Variants in CTNND2 observed in about 807,000 individuals in gnomAD.
CTNND2 encodes catenin delta 2, also known as catenin delta-2.
A neutral mutation model predicts 144.4 loss-of-function variants in CTNND2; 22 were observed. The ratio of observed to expected loss-of-function variants is 0.15; its 90% confidence interval spans 0.11 to 0.22. CTNND2 has a LOEUF of 0.22. Ranked by LOEUF, CTNND2 falls within the 10% of genes least tolerant of loss-of-function variation. CTNND2 has a pLI of 1.00. For missense variants in CTNND2, 1,353 were observed against 1,618.8 expected (o/e 0.84, Z 2.82); for synonymous variants, 751 against 695.6 (o/e 1.08, Z -1.25).
At chr5:11,659,805 G>A (rs575793320) in intron 2 of CTNND2, among the ~76,000 whole-genome samples, 1 of 152,186 alleles carries the variant, frequency 6.6e-6, no homozygotes, top group African/African-American at 2.4e-5. Flanking sequence ...TCATATATTT[G>A]TCTAGTTTTA....
intron 15 of CTNND2, among the ~76,000 whole-genome samples, chr5:11,091,211 C>T (rs1027370648): frequency 5.3e-5 from 8 of 152,144 alleles, no homozygotes; most frequent in Admixed American, 4.6e-4. Context: ...TTCTGTGTTT[C>T]ATGCTGGATA....
At chr5:11,828,258 G>C (rs1440661813) in intron 1 of CTNND2, among the ~76,000 whole-genome samples, 1 of 152,154 alleles carries the variant, frequency 6.6e-6, no homozygotes, top group Admixed American at 6.5e-5. Flanking sequence ...GGCCGGGCAT[G>C]GTGGCTCATG....
chr5:11,900,005 T>C (rs1282062023), intron 1 of CTNND2, among the ~76,000 whole-genome samples: 1 of 152,176 alleles, frequency 6.6e-6, no homozygotes, highest in Non-Finnish European at 1.5e-5. Context: ...CTCTGACATA[T>C]AACGTGTTTG....
intron 2 of CTNND2, among the ~76,000 whole-genome samples, chr5:11,707,512 T>C (rs1581751689): frequency 6.6e-6 from 1 of 152,174 alleles, no homozygotes; most frequent in Non-Finnish European, 1.5e-5. Flanking sequence ...CTGGGAAATA[T>C]ATTTGTACCT....
At chr5:11,552,658 A>G (rs2150086837) in intron 3 of CTNND2, among the ~76,000 whole-genome samples, 1 of 152,272 alleles carries the variant, frequency 6.6e-6, no homozygotes, top group South Asian at 2.1e-4. Context: ...CCAAGACCAC[A>G]ATCTTCTAGC....
intron 1 of CTNND2, among the ~76,000 whole-genome samples, chr5:11,801,393 T>C (rs1225141148): frequency 6.6e-6 from 1 of 152,236 alleles, no homozygotes; most frequent in Non-Finnish European, 1.5e-5. Flanking sequence ...ACATCTGTTT[T>C]TGGCTCTGTG....
intron 12 of CTNND2, among the ~76,000 whole-genome samples, chr5:11,119,947 C>A (rs1021005248): frequency 6.6e-6 from 1 of 152,148 alleles, no homozygotes; most frequent in Non-Finnish European, 1.5e-5. Flanking sequence ...ATAATCAGCC[C>A]TAATTTCACT....
chr5:11,312,239 ACT>A (rs955325347), intron 9 of CTNND2, among the ~76,000 whole-genome samples: 1 of 132,708 alleles, frequency 7.5e-6, no homozygotes, highest in Non-Finnish European at 1.6e-5. Flanking sequence ...CTCACCCCAC[ACT>A]CACACACACT....
At chr5:11,724,713 G>C (rs372856828) in intron 2 of CTNND2, among the ~76,000 whole-genome samples, 1 of 152,122 alleles carries the variant, frequency 6.6e-6, no homozygotes, top group Non-Finnish European at 1.5e-5. Flanking sequence ...ACTATATGTG[G>C]AATTGTTTGT....
intron 1 of CTNND2, among the ~76,000 whole-genome samples, chr5:11,881,923 C>T (rs1172470082): frequency 2.0e-5 from 3 of 151,814 alleles, no homozygotes; most frequent in Non-Finnish European, 2.9e-5. Flanking sequence ...TGATTATATC[C>T]ATTTTAACTG....
chr5:11,082,827 G>C lies in CTNND2; in HGVS notation c.2657C>G (p.Ala886Gly). Residue 886 changes from alanine (A) to glycine (G), a missense_variant, in exon 16 of 22, where the codon GCC becomes GGC. This residue lies in a region of CTNND2 where 459 missense variants were observed against 674.3 expected (regional missense o/e 0.68). Transcript: ENST00000304623. ...CAGGCCTTTCTCTTTTCGGACAGCG[G>C]CTCGGATATATACTGACCACTGCAA... ...GSWKWSVYIR[A>G]AVRKEKGLPI... The C allele has an allele frequency of 6.2e-7, 1 of 1,614,166 alleles. No individual in the cohort carries two copies. Among genetic ancestry groups the C allele is most frequent in the South Asian group, 1.1e-5 (1 of 91,066 alleles).
chr5:11,622,622 C>T (rs1055987697), intron 2 of CTNND2, among the ~76,000 whole-genome samples: 2 of 152,128 alleles, frequency 1.3e-5, no homozygotes, highest in Non-Finnish European at 1.5e-5. Flanking sequence ...TTGACTATAG[C>T]TCTGTCAGGT....
chr5:11,050,334 T>C (rs1745702339), intron 16 of CTNND2, among the ~76,000 whole-genome samples: 1 of 152,202 alleles, frequency 6.6e-6, no homozygotes, highest in African/African-American at 2.4e-5. Context: ...TGTTTCCCTT[T>C]GGTTAACTGC....
At chr5:11,228,363 A>AC (rs1740598427) in intron 10 of CTNND2, among the ~76,000 whole-genome samples, 1 of 146,014 alleles carries the variant, frequency 6.8e-6, no homozygotes, top group Admixed American at 6.7e-5. Flanking sequence ...CAAAAAAAAA[A>AC]AAAAAAAAAA....
intron 1 of CTNND2, among the ~76,000 whole-genome samples, chr5:11,846,203 C>T (rs570519439): frequency 6.6e-6 from 1 of 152,132 alleles, no homozygotes; most frequent in East Asian, 1.9e-4. Context: ...AAGTGAATGT[C>T]AGTCAATAAA....
chr5:11,144,406 G>A (rs1240134599), intron 12 of CTNND2, among the ~76,000 whole-genome samples: 1 of 152,136 alleles, frequency 6.6e-6, no homozygotes, highest in Non-Finnish European at 1.5e-5. Flanking sequence ...GAAGTGGCTT[G>A]AGCTCCCACT....
At chr5:11,579,298 TTTG>T (rs1290527624) in intron 2 of CTNND2, among the ~76,000 whole-genome samples, 1 of 152,150 alleles carries the variant, frequency 6.6e-6, no homozygotes, top group Non-Finnish European at 1.5e-5. Context: ...GTTGAAATCA[TTTG>T]TATAAGTTGG....
At chr5:11,879,356 TACATATACACACACACACAAAC>T (rs1735843953) in intron 1 of CTNND2, among the ~76,000 whole-genome samples, 2 of 141,352 alleles carry the variant, frequency 1.4e-5, no homozygotes, top group African/African-American at 2.5e-5. Context: ...TATATATATA[TACATATACACACACACACAAAC>T]ATATACATAC....
intron 5 of CTNND2, among the ~76,000 whole-genome samples, chr5:11,410,052 C>T (rs1478435327): frequency 2.0e-5 from 3 of 152,018 alleles, no homozygotes; most frequent in Non-Finnish European, 4.4e-5. Flanking sequence ...CTCCCCGTTT[C>T]CCAACAAGGC....
Sources: gnomAD v4.1 joint callset for allele counts (sites outside exome capture counted in the v4.1 genomes callset) on GRCh38, gnomAD v4.1.1 for gene constraint, gnomAD v4.1.1 regional missense constraint, MANE v1.5 for transcripts, NCBI Gene and HGNC (gene_info 2026-07-23, HGNC 2026-07-21) for gene names.